Variants in RCC2 observed in about 807,000 individuals in gnomAD.
The protein encoded by RCC2 is protein RCC2.
A neutral mutation model predicts 64.1 loss-of-function variants in RCC2; 19 were observed. The observed-to-expected ratio is 0.30, with a 90% CI of 0.21 to 0.44. The LOEUF (loss-of-function observed/expected upper bound fraction) is 0.44. RCC2 is among the 20% of genes least tolerant of loss of function. RCC2 has a pLI of 1.00. For missense variants in RCC2, 508 were observed against 710.4 expected (o/e 0.72, Z 3.24); for synonymous variants, 325 against 279.6 (o/e 1.16, Z -1.62).
At chr1:17,417,374 GATC>G (rs1172696211) in intron 7 of RCC2, among the ~76,000 whole-genome samples, 1 of 152,160 alleles carries the variant, frequency 6.6e-6, no homozygotes, top group Non-Finnish European at 1.5e-5. Context: ...CCCACACTGT[GATC>G]ATCAGTTTGG....
chr1:17,429,543 G>A (rs192846258), intron 2 of RCC2, among the ~76,000 whole-genome samples: 144 of 152,262 alleles, frequency 9.5e-4, no homozygotes, highest in Non-Finnish European at 3.5e-4. Flanking sequence ...AAGCCTGCCG[G>A]ACACTCAGGG....
chr1:17,420,069 G>A (rs537747983), intron 7 of RCC2, among the ~76,000 whole-genome samples: 163 of 152,350 alleles, frequency 1.1e-3, no homozygotes, highest in African/African-American at 3.8e-3. Context: ...CCCCAGAGGG[G>A]CTGGAGTGGA....
chr1:17,408,185 G>A lies in RCC2; in HGVS notation c.*905C>T, dbSNP rs955226352. ...AAAGAGACCAAAGCACAAGGCGATC[G>A]AGGCTGGCACAGAAAGGGCTGATCC... is the stretch of plus-strand genomic sequence containing the variant. On this transcript the variant is annotated 3_prime_UTR_variant, in exon 13 of 13. Coordinates refer to ENST00000375436, the MANE Select transcript of RCC2 (RefSeq NM_018715.4). The A allele has an allele frequency of 2.6e-5, 4 of 152,354 alleles. No homozygotes were observed. Among genetic ancestry groups the A allele is most frequent in the Non-Finnish European group, 5.9e-5 (4 of 68,164 alleles). The allele number at this position is 152,354 out of a possible 1,614,324, so 9.4% of individuals were successfully genotyped here. A position where few individuals can be genotyped will look rare whatever the true frequency, so the allele number is the denominator to read the frequency against.
intron 10 of RCC2, 132 bp downstream of exon 10, chr1:17,412,941 C>CA: frequency 3.0e-6 from 2 of 660,532 alleles, no homozygotes; most frequent in South Asian, 3.8e-5. Context: ...TTCAGTGTGT[C>CA]AGATGGCCTG....
intron 10 of RCC2, among the ~76,000 whole-genome samples, 165 bp from the exon 11 acceptor site, chr1:17,412,359 T>C (rs541247461): frequency 6.6e-6 from 1 of 152,320 alleles, no homozygotes; most frequent in Admixed American, 6.5e-5. Flanking sequence ...AATCCTAAGA[T>C]TGTTCCGTGC....
chr1:17,420,576 G>C (rs972511538), intron 7 of RCC2, 138 bp downstream of exon 7: 1 of 509,850 alleles, frequency 2.0e-6, no homozygotes, highest in Non-Finnish European at 3.5e-6. Flanking sequence ...CTGAACGTGA[G>C]ATCCACTTAA....
chr1:17,433,521 T>C (rs552214940), intron 2 of RCC2, among the ~76,000 whole-genome samples: 1 of 152,328 alleles, frequency 6.6e-6, no homozygotes, highest in East Asian at 1.9e-4. Context: ...TACGGATTGT[T>C]TTTTTGGACG....
intron 4 of RCC2, among the ~76,000 whole-genome samples, chr1:17,425,124 G>A (rs934328713): frequency 6.6e-6 from 1 of 152,166 alleles, no homozygotes; most frequent in African/African-American, 2.4e-5. Flanking sequence ...GAGGCGGGAG[G>A]TAGAAAAGCC....
chr1:17,422,859 T>C (rs751874951), intron 4 of RCC2, 23 bp from the exon 5 acceptor site: 3 of 1,613,158 alleles, frequency 1.9e-6, no homozygotes, highest in South Asian at 2.2e-5. Flanking sequence ...TGAGAGAAAG[T>C]AGAAAAGAGA....
At chr1:17,427,396 G>A (rs1333872630) in intron 3 of RCC2, among the ~76,000 whole-genome samples, 2 of 152,180 alleles carry the variant, frequency 1.3e-5, no homozygotes, top group Admixed American at 1.3e-4. Context: ...CCTGAAAGGA[G>A]GAAGAGGAAC....
intron 1 of RCC2, 72 bp from the exon 2 acceptor site, chr1:17,438,594 C>G (rs991499742): frequency 2.3e-5 from 29 of 1,250,310 alleles, no homozygotes; most frequent in South Asian, 1.4e-4. Flanking sequence ...GGAGCGGAGA[C>G]GAGCCACCCG....
chr1:17,409,899 T>C (rs2075406260), intron 12 of RCC2, 75 bp downstream of exon 12: 2 of 1,267,882 alleles, frequency 1.6e-6, no homozygotes, highest in Admixed American at 1.7e-5. Context: ...CAGACTGCGA[T>C]GATCAAAATC....
intron 2 of RCC2, among the ~76,000 whole-genome samples, chr1:17,431,946 A>G (rs1431921369): frequency 6.6e-6 from 1 of 152,060 alleles, no homozygotes; most frequent in Admixed American, 6.5e-5. Context: ...TAAAAATACA[A>G]AAAATTAGCC....
At chr1:17,423,920 T>C (rs2075584679) in intron 4 of RCC2, among the ~76,000 whole-genome samples, 1 of 152,190 alleles carries the variant, frequency 6.6e-6, no homozygotes, top group Admixed American at 6.5e-5. Flanking sequence ...ACAGAAGGAA[T>C]TGCGACGAAG....
chr1:17,438,655 GGA>G, intron 1 of RCC2, 133 bp from the exon 2 acceptor site: 1 of 910,326 alleles, frequency 1.1e-6, no homozygotes, highest in Non-Finnish European at 1.4e-6. Context: ...CAGGGTGGGC[GGA>G]GAGGGGGCGA....
intron 8 of RCC2, among the ~76,000 whole-genome samples, chr1:17,415,834 C>T (rs542220835): frequency 4.0e-5 from 6 of 151,604 alleles, no homozygotes; most frequent in South Asian, 2.1e-4. Context: ...TTTGAGAGGC[C>T]GAGGTGGGCA....
At chr1:17,422,412 A>T in intron 5 of RCC2, 121 bp from the exon 6 acceptor site, 1 of 920,790 alleles carries the variant, frequency 1.1e-6, no homozygotes, top group Non-Finnish European at 1.7e-6. Context: ...GGCAAGTGAG[A>T]CTGCCCAAAA....
intron 9 of RCC2, 67 bp from the exon 10 acceptor site, chr1:17,413,245 T>TA: frequency 8.5e-7 from 1 of 1,174,818 alleles, no homozygotes; most frequent in Non-Finnish European, 1.3e-6. Context: ...TCTTCAGTAT[T>TA]ATCAGGGTGA....
chr1:17,432,739 T>C (rs2075695172), intron 2 of RCC2, among the ~76,000 whole-genome samples: 1 of 152,220 alleles, frequency 6.6e-6, no homozygotes, highest in Non-Finnish European at 1.5e-5. Flanking sequence ...CAAGGGCTCA[T>C]GAAGACTGAT....
Sources: gnomAD v4.1 joint callset for allele counts (sites outside exome capture counted in the v4.1 genomes callset) on GRCh38, gnomAD v4.1.1 for gene constraint, MANE v1.5 for transcripts, NCBI Gene and HGNC (gene_info 2026-07-23, HGNC 2026-07-21) for gene names.